Variants in TMEM114 observed in about 807,000 individuals in gnomAD.
The protein encoded by TMEM114 is transmembrane protein 114, also known as claudin-26.
In TMEM114, 6 loss-of-function variants were observed where a neutral mutation model predicts 6.2. That is an observed-to-expected ratio of 0.97 (90% CI 0.53 to 1.91). TMEM114 has a LOEUF of 1.91. TMEM114 is among the 40% of genes most tolerant of loss of function. TMEM114 has a pLI of 0.01. For missense variants in TMEM114, 218 were observed against 158.3 expected, an observed-to-expected ratio of 1.38 and a Z score of -2.02; for synonymous variants, 104 against 73.0, an observed-to-expected ratio of 1.42 and a Z score of -2.16.
At chr16:8,562,578 GAGGAAATAAGTA>G (rs1567202331) in intron 2 of TMEM114, among the ~76,000 whole-genome samples, 1 of 105,310 alleles carries the variant, frequency 9.5e-6, no homozygotes, top group Non-Finnish European at 2.2e-5. Context: ...GTGAATGAGT[GAGGAAATAAGTA>G]AGTGAATGAG....
chr16:8,567,330 G>C (rs987382790), downstream of TMEM114, among the ~76,000 whole-genome samples: 1 of 152,106 alleles, frequency 6.6e-6, no homozygotes, highest in Non-Finnish European at 1.5e-5. Flanking sequence ...GATTTTCTTG[G>C]CCACCCCCAT....
intron 2 of TMEM114, among the ~76,000 whole-genome samples, chr16:8,546,853 AT>A (rs1900683552): frequency 2.6e-5 from 4 of 152,206 alleles, no homozygotes; most frequent in Admixed American, 2.6e-4. Context: ...AACGCAAGTG[AT>A]GCTGGCTGAC....
chr16:8,564,314 T>C (rs1327216909), intron 2 of TMEM114, among the ~76,000 whole-genome samples: 1 of 148,848 alleles, frequency 6.7e-6, no homozygotes, highest in Non-Finnish European at 1.5e-5. Context: ...ATGAAATAAG[T>C]GAATGAGTGA....
At chr16:8,562,064 G>A (rs979946669) in intron 2 of TMEM114, among the ~76,000 whole-genome samples, 2 of 151,006 alleles carry the variant, frequency 1.3e-5, no homozygotes, top group East Asian at 4.0e-4. Flanking sequence ...GAATGAGTGA[G>A]TAAATGAGTG....
chr16:8,589,494 C>T, intron 1 of TMEM114, 125 bp downstream of exon 1: 1 of 398,166 alleles, frequency 2.5e-6, no homozygotes, highest in Admixed American at 4.4e-5. Flanking sequence ...CCCCCCGAGT[C>T]CCTAGACATT....
Position 8,589,698 on chromosome 16 carries a change from C to A in TMEM114, c.141G>T (p.Ala47=), listed in dbSNP as rs1249840912. The A allele has an allele frequency of 2.5e-5, 10 of 398,448 alleles. No individual in the cohort carries two copies. The highest frequency in any genetic ancestry group is 3.1e-5 in the Non-Finnish European group (7 of 226,082). 24.7% of individuals were successfully genotyped at this position (398,448 alleles called of 1,614,324 possible). ...TERLERTGPG[A]QDLLGSINRS... ...GATTGATGGACCCCAGCAGGTCCTG[C>A]GCCCCCGGGCCAGTCCTCTCCAGCC... is the stretch of plus-strand genomic sequence containing the variant. The change falls in exon 1 of 4, where the codon GCG becomes GCT. Residue 47 remains alanine, a synonymous_variant. Transcript: ENST00000620492.
At chr16:8,549,180 T>TTAAA (rs1373777019) in intron 2 of TMEM114, among the ~76,000 whole-genome samples, 1 of 45,192 alleles carries the variant, frequency 2.2e-5, no homozygotes, top group Non-Finnish European at 3.7e-5. Context: ...AGACTCCATC[T>TTAAA]CAAAAAAAAA....
At chr16:8,550,851 C>T (rs1188648050) in intron 2 of TMEM114, among the ~76,000 whole-genome samples, 1 of 152,124 alleles carries the variant, frequency 6.6e-6, no homozygotes, top group Non-Finnish European at 1.5e-5. Flanking sequence ...CTGTGGTCCT[C>T]GCTGAACCCA....
chr16:8,584,922 C>CAAAAAAAAAAAAAAAAAAAAAA (rs905674847), intron 2 of TMEM114, among the ~76,000 whole-genome samples: 1 of 49,202 alleles, frequency 2.0e-5, no homozygotes, highest in Non-Finnish European at 4.2e-5. Context: ...AACGCCGTCT[C>CAAAAAAAAAAAAAAAAAAAAAA]AAAAAAAAAA....
intron 2 of TMEM114, among the ~76,000 whole-genome samples, chr16:8,543,184 G>T (rs1045863436): frequency 6.6e-6 from 1 of 152,194 alleles, no homozygotes; most frequent in Non-Finnish European, 1.5e-5. Context: ...ACTGACTACA[G>T]AGCAAAGCTG....
intron 2 of TMEM114, among the ~76,000 whole-genome samples, chr16:8,583,531 G>A (rs1902221684): frequency 6.6e-6 from 1 of 152,104 alleles, no homozygotes. Flanking sequence ...GGTCGCTTGA[G>A]CCCAGGAGTT....
chr16:8,579,291 C>G lies in TMEM114; in HGVS notation c.302-7067G>C, dbSNP rs559685743. ...GGGATGTCTCTTACCCCAGGAACAT[C>G]AAAAGCTCTGGCAAAAGAAGAAGGT... is the stretch of plus-strand genomic sequence containing the variant. On this transcript the variant is annotated intron_variant, in intron 2 of 3. Coordinates refer to ENST00000620492, the MANE Select transcript of TMEM114 (RefSeq NM_001146336.2). Among the ~76,000 whole-genome samples, 53 of 152,292 alleles carry G rather than the reference C, an allele frequency of 3.5e-4. No individual in the cohort carries two copies. In the South Asian group the frequency reaches 0.011, roughly 31 times the overall value.
At chr16:8,588,897 C>A (rs919590490) in intron 2 of TMEM114, among the ~76,000 whole-genome samples, 13 of 152,224 alleles carry the variant, frequency 8.5e-5, no homozygotes, top group African/African-American at 3.1e-4. Flanking sequence ...TCTAACTGCG[C>A]GTCTCCACAT....
the TMEM114 span, among the ~76,000 whole-genome samples, chr16:8,526,900 C>G: frequency 6.6e-6 from 1 of 152,192 alleles, no homozygotes; most frequent in African/African-American, 2.4e-5. Flanking sequence ...ACACTTTAAA[C>G]TTTGAACATG....
chr16:8,576,663 A>C (rs569774958), intron 2 of TMEM114, among the ~76,000 whole-genome samples: 2 of 151,908 alleles, frequency 1.3e-5, no homozygotes, highest in Non-Finnish European at 2.9e-5. Flanking sequence ...AATGTAGTAC[A>C]TGCTCCCTGT....
chr16:8,550,250 C>A (rs892767412), intron 2 of TMEM114, among the ~76,000 whole-genome samples: 3 of 152,244 alleles, frequency 2.0e-5, no homozygotes, highest in African/African-American at 7.2e-5. Context: ...AAATGATAAT[C>A]TCTTCTGGCA....
chr16:8,581,710 T>C (rs1375129185), intron 2 of TMEM114, among the ~76,000 whole-genome samples: 2 of 152,266 alleles, frequency 1.3e-5, no homozygotes, highest in African/African-American at 4.8e-5. Context: ...CACCTTGGCC[T>C]CCCAAATTGC....
chr16:8,551,721 T>C (rs566807645), intron 2 of TMEM114, among the ~76,000 whole-genome samples: 2 of 152,346 alleles, frequency 1.3e-5, no homozygotes, highest in East Asian at 3.9e-4. Flanking sequence ...TCTCAAACAA[T>C]ACTCTGAAAT....
At chr16:8,550,231 C>A (rs1417678124) in intron 2 of TMEM114, among the ~76,000 whole-genome samples, 1 of 152,194 alleles carries the variant, frequency 6.6e-6, no homozygotes, top group Admixed American at 6.5e-5. Flanking sequence ...TCTACCAGTC[C>A]ACTGACTCAA....
Sources: allele counts gnomAD v4.1 joint callset (sites outside exome capture counted in the v4.1 genomes callset), GRCh38; gene constraint gnomAD v4.1.1; transcripts MANE v1.5; gene names NCBI Gene and HGNC (gene_info 2026-07-23, HGNC 2026-07-21).